RELL1: variants seen among roughly 807,000 people sequenced by gnomAD.
RELL1 encodes RELT like 1.
RELL1 carries 10 observed loss-of-function variants against 23.0 expected under a neutral mutation model. That is an observed-to-expected ratio of 0.43 (90% CI 0.27 to 0.74). The LOEUF (loss-of-function observed/expected upper bound fraction) is 0.74, where lower values mean the gene tolerates loss of function less well. RELL1 is among the 30% of genes least tolerant of loss of function. The pLI is 0.19. For missense variants in RELL1, 315 were observed against 364.4 expected (o/e 0.86, Z 1.10); for synonymous variants, 146 against 146.8 (o/e 0.99, Z 0.04).
downstream of RELL1, among the ~76,000 whole-genome samples, chr4:37,587,594 A>G (rs746879054): frequency 2.6e-5 from 4 of 152,214 alleles, no homozygotes; most frequent in Non-Finnish European, 5.9e-5. Flanking sequence ...ACAGCCAGCA[A>G]TGAATGATGT....
intron 1 of RELL1, among the ~76,000 whole-genome samples, chr4:37,671,688 A>G (rs1422237360): frequency 6.6e-6 from 1 of 152,182 alleles, no homozygotes; most frequent in East Asian, 1.9e-4. Context: ...TATAATCAAG[A>G]AGTAACCATA....
At chr4:37,605,787 A>AAGAAAGAGAG (rs1719178266), downstream of RELL1, among the ~76,000 whole-genome samples, 1 of 54,506 alleles carries the variant, frequency 1.8e-5, no homozygotes, top group African/African-American at 6.4e-5. Flanking sequence ...GAGAGAGAGA[A>AAGAAAGAGAG]AGAAAGAGAA....
chr4:37,590,282 C>T (rs1718533077), downstream of RELL1: 1 of 1,613,958 alleles, frequency 6.2e-7, no homozygotes. Context: ...CCATGGGAGC[C>T]CTGCTGGCCT....
At chr4:37,626,457 G>A (rs750284795) in intron 6 of RELL1, among the ~76,000 whole-genome samples, 6 of 152,152 alleles carry the variant, frequency 3.9e-5, no homozygotes, top group African/African-American at 7.2e-5. Context: ...CAACCTGGGC[G>A]AGAGTGAGAC....
chr4:37,655,507 C>T (rs180974578), intron 1 of RELL1, among the ~76,000 whole-genome samples: 1 of 152,112 alleles, frequency 6.6e-6, no homozygotes, highest in Non-Finnish European at 1.5e-5. Flanking sequence ...CTAAGGGACA[C>T]CAAAGATTGC....
rs766682693 is a variant in RELL1 at position 37,638,492 on chromosome 4, A to G, written c.398T>C (p.Val133Ala). The G allele has an allele frequency of 1.2e-6, 2 of 1,611,772 alleles. No individual in the cohort carries two copies. Among genetic ancestry groups the G allele is most frequent in the Non-Finnish European group, 1.7e-6 (2 of 1,178,380 alleles). Residue 133 changes from valine to alanine, a missense_variant, in exon 4 of 7, where the codon GTC becomes GCC. By Grantham distance (64) the Val-to-Ala change is moderately conservative. Transcript: ENST00000454158. ...GTTATCTGCTACCATCGCCTTTAAGACATCAGCATTCGCTAAGGAATAAAA... is the reference window on the plus strand; with the variant it reads ...GTTATCTGCTACCATCGCCTTTAAGGCATCAGCATTCGCTAAGGAATAAAA... ...YIMKNEANAD[V>A]LKAMVADNSL...
At chr4:37,605,846 G>GAAGGAAAA (rs1560324808), downstream of RELL1, among the ~76,000 whole-genome samples, 7 of 101,442 alleles carry the variant, frequency 6.9e-5, no homozygotes, top group African/African-American at 7.9e-5. Flanking sequence ...AAAGAAAGAA[G>GAAGGAAAA]GAAAAGAAAA....
intron 1 of RELL1, among the ~76,000 whole-genome samples, chr4:37,654,856 A>C (rs912977617): frequency 6.6e-6 from 1 of 152,246 alleles, no homozygotes; most frequent in African/African-American, 2.4e-5. Context: ...ATATGATCCA[A>C]CTAGTTTTTT....
downstream of RELL1, among the ~76,000 whole-genome samples, chr4:37,608,306 C>T (rs897215812): frequency 1.3e-5 from 2 of 152,194 alleles, no homozygotes; most frequent in African/African-American, 4.8e-5. Context: ...AAAGCCGAGA[C>T]AGGCAGAAAA....
At chr4:37,597,616 C>G (rs1424562149) in intron 6 of RELL1, among the ~76,000 whole-genome samples, 2 of 152,200 alleles carry the variant, frequency 1.3e-5, no homozygotes, top group African/African-American at 4.8e-5. Flanking sequence ...CTCTCTCTGT[C>G]TTAGATGTTG....
chr4:37,588,617 C>G (rs1718436294), downstream of RELL1: 2 of 492,038 alleles, frequency 4.1e-6, no homozygotes, highest in South Asian at 5.8e-5. Flanking sequence ...GGAGAAAGGT[C>G]TGACACAGAG....
At chr4:37,588,280 AAC>A (rs1188876672), downstream of RELL1, 2 of 152,506 alleles carry the variant, frequency 1.3e-5, no homozygotes, top group African/African-American at 4.8e-5. Context: ...TAGGAAAAGC[AAC>A]ACAGAATCAA....
intron 1 of RELL1, among the ~76,000 whole-genome samples, chr4:37,678,585 C>A (rs940065705): frequency 6.6e-6 from 1 of 152,192 alleles, no homozygotes; most frequent in African/African-American, 2.4e-5. Flanking sequence ...TGACAGGAAA[C>A]CCCTCAAGTA....
At chr4:37,596,984 G>GTGA (rs1277567608) in intron 6 of RELL1, among the ~76,000 whole-genome samples, 1 of 151,596 alleles carries the variant, frequency 6.6e-6, no homozygotes, top group Non-Finnish European at 1.5e-5. Flanking sequence ...CCCACCTCAG[G>GTGA]TGATCTGCCC....
intron 2 of RELL1, 110 bp from the exon 3 acceptor site, chr4:37,647,549 A>T (rs1720751482): frequency 4.2e-6 from 3 of 709,474 alleles, no homozygotes; most frequent in Non-Finnish European, 7.6e-6. Context: ...GCCTCAGGAG[A>T]TCACCCATGG....
chr4:37,657,379 G>T (rs1721152563), intron 1 of RELL1, among the ~76,000 whole-genome samples: 1 of 152,070 alleles, frequency 6.6e-6, no homozygotes, highest in Admixed American at 6.5e-5. Context: ...AGGAGGGTAG[G>T]GTAGTTCACC....
chr4:37,670,056 T>TAAAAAAAAAAAA (rs537851204), intron 1 of RELL1, among the ~76,000 whole-genome samples: 1 of 98,684 alleles, frequency 1.0e-5, no homozygotes, highest in Non-Finnish European at 2.2e-5. Flanking sequence ...TAAATAAATA[T>TAAAAAAAAAAAA]AAAAAAAAAA....
In RELL1 at chr4:37,657,885, G is replaced by A. The variant is rs181272506; in HGVS notation, c.89-8385C>T. Among the ~76,000 whole-genome samples the A allele has an allele frequency of 6.3e-3, 963 of 152,048 alleles. 33 individuals carry two copies. Among genetic ancestry groups the A allele is most frequent in the Admixed American group, 0.059 (898 of 15,266 alleles). On this transcript the variant is annotated intron_variant, in intron 1 of 6. Coordinates refer to ENST00000454158, the MANE Select transcript of RELL1 (RefSeq NM_001085400.2). ...CATGATTGTGCCACTCTACTGGGAG[G>A]GTGGGTCAGCCTGGGGGACACAGCG...
At chr4:37,656,934 A>C (rs1721138325) in intron 1 of RELL1, among the ~76,000 whole-genome samples, 1 of 152,238 alleles carries the variant, frequency 6.6e-6, no homozygotes, top group Admixed American at 6.5e-5. Flanking sequence ...ACCCAGTCTT[A>C]GGTATTCTGT....
Sources: gnomAD v4.1 joint callset for allele counts (sites outside exome capture counted in the v4.1 genomes callset) on GRCh38, gnomAD v4.1.1 for gene constraint, MANE v1.5 for transcripts, NCBI Gene and HGNC (gene_info 2026-07-23, HGNC 2026-07-21) for gene names.